The following GRTP1 variants were observed in gnomAD, a reference collection of about 807,000 sequenced individuals.
GRTP1 encodes the protein growth hormone regulated TBC protein 1.
Under a neutral mutation model 38.1 loss-of-function variants are expected in GRTP1, and 56 were observed. That is an observed-to-expected ratio of 1.47 (90% CI 1.19 to 1.84). GRTP1 has a LOEUF of 1.84. Among genes scored for constraint, GRTP1 ranks in the 40% most tolerant of loss-of-function variants. The pLI is 0.00. For synonymous variants in GRTP1, 217 were observed against 189.5 expected (o/e 1.14, Z -1.19); for missense variants, 506 against 453.9 (o/e 1.11, Z -1.04).
Position 113,342,210 on chromosome 13 carries a change from A to G in GRTP1, c.562+2653T>C, listed in dbSNP as rs536467110. On this transcript the variant is annotated intron_variant, in intron 5 of 7. Transcript: ENST00000375431. The surrounding 1 kb of genome is among the most constrained non-coding windows in gnomAD (Gnocchi z 4.5). ...CGGTCTTGCAAAGTGCTAGGATTACAGGCGTGAGCCACGGCTCCTGGCTGT... is the reference window on the plus strand; with the variant it reads ...CGGTCTTGCAAAGTGCTAGGATTACGGGCGTGAGCCACGGCTCCTGGCTGT... Among the ~76,000 whole-genome samples the G allele has an allele frequency of 1.3e-5, 2 of 152,314 alleles. No homozygotes were observed. Among genetic ancestry groups the G allele is most frequent in the Non-Finnish European group, 2.9e-5 (2 of 68,032 alleles).
Position 113,356,550 on chromosome 13 carries a change from G to A in GRTP1, c.182-1069C>T, listed in dbSNP as rs563105778. Among the ~76,000 whole-genome samples, 12 of 152,224 alleles carry A rather than the reference G, an allele frequency of 7.9e-5. No individual in the cohort carries two copies. The South Asian group carries it at 2.5e-3, about 32-fold the overall frequency. ...CAAAGTGCTGGGATTACAGGCGTGA[G>A]CCACCACGCCTGGCCCTGCACATAT... On this transcript the variant is annotated intron_variant, in intron 2 of 7. Coordinates refer to ENST00000375431, the MANE Select transcript of GRTP1 (RefSeq NM_024719.4).
At chr13:113,363,147 C>T (rs1445967889) in intron 2 of GRTP1, among the ~76,000 whole-genome samples, 1 of 152,166 alleles carries the variant, frequency 6.6e-6, no homozygotes, top group Admixed American at 6.5e-5. Flanking sequence ...GCGGTCAGGC[C>T]GGTGCTCACC....
Position 113,324,669 on chromosome 13 carries a change from G to A in GRTP1, c.922-92C>T, listed in dbSNP as rs2042732985. 2.0e-6 allele frequency: 3 copies of A among 1,509,356 alleles called. No individual in the cohort carries two copies. In the East Asian group the frequency reaches 7.4e-5, roughly 37 times the overall value. 93.5% of individuals were successfully genotyped at this position (1,509,356 alleles called of 1,614,324 possible). A position where few individuals can be genotyped will look rare whatever the true frequency, so the allele number is the denominator to read the frequency against. On this transcript the variant is annotated intron_variant, in intron 7 of 7. Coordinates refer to ENST00000375431, the MANE Select transcript of GRTP1 (RefSeq NM_024719.4). ...TGGCAGGCAGGCAGACAGGCCTCGT[G>A]TGAGGTGAGGGAGGAGCAGTCCACA...
Position 113,349,622 on chromosome 13 carries a change from A to G in GRTP1, c.465+1227T>C, listed in dbSNP as rs2043224738. 6.6e-6 allele frequency among the ~76,000 whole-genome samples: 1 copy of G among 152,200 alleles called. No homozygotes were observed. The highest frequency in any genetic ancestry group is 2.1e-4 in the South Asian group (1 of 4,836). ...CTGCCAGCCAGCTACAGAGCCACACACGCACAGCACGTGGAACAGCTGGTG... is the reference window on the plus strand; with the variant it reads ...CTGCCAGCCAGCTACAGAGCCACACGCGCACAGCACGTGGAACAGCTGGTG... On this transcript the variant is annotated intron_variant, in intron 4 of 7. Transcript: ENST00000375431. This position sits in a 1 kb window ranked among gnomAD's most constrained non-coding sequence, Gnocchi z 5.0.
chr13:113,334,028 T>C (rs2139418896), intron 5 of GRTP1, among the ~76,000 whole-genome samples: 1 of 151,988 alleles, frequency 6.6e-6, no homozygotes, highest in Middle Eastern at 3.4e-3. Context: ...AGGGATGAGG[T>C]TTCGCCATAC....
intron 4 of GRTP1, among the ~76,000 whole-genome samples, chr13:113,346,202 ACCCGGGAGGAC>A (rs2043121377): frequency 7.2e-6 from 1 of 139,308 alleles, no homozygotes; most frequent in Non-Finnish European, 1.5e-5. Flanking sequence ...CTGAGAGCAG[ACCCGGGAGGAC>A]CTCTGTGGCT....
chr13:113,346,659 CCTCTGTGGCTGAGCGGATCT>C (rs1566430682), intron 4 of GRTP1, among the ~76,000 whole-genome samples: 154 of 554 alleles, frequency 0.28, 74 homozygotes, highest in African/African-American at 0.33. Context: ...CCTGGGAGGA[CCTCTGTGGCTGAGCGGATCT>C]GGGAGGACCT....
rs1312388382 is a variant in GRTP1 at position 113,325,716 on chromosome 13, T to G, written c.866A>C (p.Lys289Thr). Residue 289 changes from lysine to threonine, a missense_variant, in exon 7 of 8, where the codon AAG becomes ACG. Coordinates refer to ENST00000375431, the MANE Select transcript of GRTP1 (RefSeq NM_024719.4). The stretch of plus-strand genomic sequence containing the variant: ...ACTCCCTTTGGTTATCTGCTTAAAC[T>G]TATCGCAAATGTCTGGAACGCTGGT... Reference protein sequence around the residue: ...EATSVPDICDKFKQITKGSFV... With the variant: ...EATSVPDICDTFKQITKGSFV... The G allele has an allele frequency of 6.2e-7, 1 of 1,614,136 alleles. No individual in the cohort carries two copies. Among genetic ancestry groups the G allele is most frequent in the African/African-American group, 1.3e-5 (1 of 75,048 alleles).
At position 113,342,628 on chromosome 13, in the gene GRTP1, G is replaced by C. The variant is rs1360730665; in HGVS notation, c.562+2235C>G. Among the ~76,000 whole-genome samples, 2 of 90,210 alleles carry C rather than the reference G, an allele frequency of 2.2e-5. No individual in the cohort carries two copies. Among genetic ancestry groups the C allele is most frequent in the African/African-American group, 8.3e-5 (2 of 24,194 alleles). 59.2% of individuals were successfully genotyped at this position (90,210 alleles called of 152,430 possible). On this transcript the variant is annotated intron_variant, in intron 5 of 7. Coordinates refer to ENST00000375431, the MANE Select transcript of GRTP1 (RefSeq NM_024719.4). The surrounding 1 kb of genome is among the most constrained non-coding windows in gnomAD (Gnocchi z 4.5). ...AGTGGCACTGAAACGACCTAGTTTG[G>C]GTAACTATAACTTCGAGGATGGATT...
chr13:113,344,984 A>G, intron 4 of GRTP1, 25 bp from the exon 5 acceptor site: 1 of 1,584,710 alleles, frequency 6.3e-7, no homozygotes, highest in South Asian at 1.2e-5. Context: ...ATGAGAAACA[A>G]ATTCACATTG....
At chr13:113,333,223 T>C (rs1000695417) in intron 5 of GRTP1, among the ~76,000 whole-genome samples, 1 of 152,124 alleles carries the variant, frequency 6.6e-6, no homozygotes, top group African/African-American at 2.4e-5. Flanking sequence ...GAGGTGCAGA[T>C]TCCCACGCAC....
At chr13:113,338,163 TC>T (rs1278446432) in intron 5 of GRTP1, among the ~76,000 whole-genome samples, 1 of 152,112 alleles carries the variant, frequency 6.6e-6, no homozygotes, top group Non-Finnish European at 1.5e-5. Flanking sequence ...CCGGGACCCA[TC>T]GCCCGCCCGG....
intron 5 of GRTP1, 50 bp from the exon 6 acceptor site, chr13:113,326,141 C>CT (rs2042765064): frequency 6.3e-7 from 1 of 1,591,988 alleles, no homozygotes; most frequent in African/African-American, 1.3e-5. Flanking sequence ...GTCACCTCCA[C>CT]AAGCCCCATT....
chr13:113,325,967 C>A lies in GRTP1; in HGVS notation c.687G>T (p.Leu229=). The A allele has an allele frequency of 6.2e-7, 1 of 1,613,950 alleles. No individual in the cohort carries two copies. Among genetic ancestry groups the A allele is most frequent in the Non-Finnish European group, 8.5e-7 (1 of 1,179,968 alleles). The change falls in exon 6 of 8, where the codon CTG becomes CTT. Residue 229 remains leucine, a synonymous_variant. Coordinates refer to ENST00000375431, the MANE Select transcript of GRTP1 (RefSeq NM_024719.4). ...MERLGVLWTL[L]VSRWFICLFV... is the part of the protein sequence containing the mutation. ...ACAGGCAGATGAACCAGCGGGACAC[C>A]AGCAGCGTCCACAGCACACCGAGAC...
intron 2 of GRTP1, among the ~76,000 whole-genome samples, chr13:113,357,260 CA>C (rs1397477403): frequency 6.6e-6 from 1 of 151,982 alleles, no homozygotes; most frequent in East Asian, 1.9e-4. Flanking sequence ...GCCTGGCCAA[CA>C]TGGTGAAACC....
rs9549397 is a variant in GRTP1 at position 113,353,195 on chromosome 13, G to A, written c.340+2128C>T. 7.1e-3 allele frequency among the ~76,000 whole-genome samples: 559 copies of A among 78,202 alleles called. 3 individuals are homozygous for A. The highest frequency in any genetic ancestry group is 8.8e-3 in the African/African-American group (184 of 20,794). 51.3% of individuals were successfully genotyped at this position (78,202 alleles called of 152,430 possible). A position where few individuals can be genotyped will look rare whatever the true frequency, so the allele number is the denominator to read the frequency against. ...TAGGAACCCACAGCTGAAAGCAGGG[G>A]CCCAGCCCCACACTCTGGGTAGGAA... On this transcript the variant is annotated intron_variant, in intron 3 of 7. Coordinates refer to ENST00000375431, the MANE Select transcript of GRTP1 (RefSeq NM_024719.4).
At chr13:113,325,533 G>T in intron 7 of GRTP1, 128 bp downstream of exon 7, 1 of 1,551,170 alleles carries the variant, frequency 6.4e-7, no homozygotes, top group Non-Finnish European at 8.7e-7. Flanking sequence ...AGAGCTGGAG[G>T]CTCATCCTGT....
rs771185339 is a variant in GRTP1 at position 113,326,041 on chromosome 13, C to G, written c.613G>C (p.Gly205Arg). The G allele has an allele frequency of 2.3e-5, 37 of 1,613,014 alleles. No homozygotes were observed. In the South Asian group the frequency reaches 3.6e-4, roughly 16 times the overall value. ...LGLKTDQEVL[G>R]ELVRAKLPAV... Reference sequence around the variant, plus strand: ...GGCAGCTTCGCCCGCACCAGCTCCCCGAGGACCTCCTGGTCGGTCTTCAGG... The same window carrying G: ...GGCAGCTTCGCCCGCACCAGCTCCCGGAGGACCTCCTGGTCGGTCTTCAGG... Residue 205 changes from glycine to arginine, a missense_variant, in exon 6 of 8, where the codon GGG becomes CGG. Transcript: ENST00000375431.
Position 113,343,715 on chromosome 13 carries a change from A to T in GRTP1, c.562+1148T>A, listed in dbSNP as rs2043058294. On this transcript the variant is annotated intron_variant, in intron 5 of 7. Coordinates refer to ENST00000375431, the MANE Select transcript of GRTP1 (RefSeq NM_024719.4). This position sits in a 1 kb window ranked among gnomAD's most constrained non-coding sequence, Gnocchi z 4.8. ...ACAAGCGCAGCTCAGCAGGAAACTG[A>T]CACATGCCGTGTGCTCACCAGGCAG... is the stretch of plus-strand genomic sequence containing the variant. Among the ~76,000 whole-genome samples, 1 of 152,186 alleles carries T rather than the reference A, an allele frequency of 6.6e-6. No individual in the cohort carries two copies.
Sources: gnomAD v4.1 joint callset for allele counts (sites outside exome capture counted in the v4.1 genomes callset) on GRCh38, gnomAD v4.1.1 for gene constraint, Gnocchi (gnomAD v3.1) non-coding constraint, MANE v1.5 for transcripts, NCBI Gene and HGNC (gene_info 2026-07-23, HGNC 2026-07-21) for gene names.